Variants in GPM6B observed in about 807,000 individuals in gnomAD.
GPM6B encodes the protein neuronal membrane glycoprotein M6-b.
In GPM6B, 4 loss-of-function variants were observed where a neutral mutation model predicts 27.2. The ratio of observed to expected loss-of-function variants is 0.15; its 90% CI spans 0.07 to 0.34. GPM6B has a LOEUF of 0.34. GPM6B is among the 10% of genes least tolerant of loss of function. The pLI, the probability that GPM6B is intolerant of heterozygous loss-of-function variation, is 1.00. For missense variants in GPM6B, 183 were observed against 261.9 expected (o/e 0.70, Z 2.08); for synonymous variants, 124 against 103.1 (o/e 1.20, Z -1.23).
intron 1 of GPM6B, among the ~76,000 whole-genome samples, chrX:13,812,405 C>A (rs190251061): frequency 1.7e-3 from 193 of 111,843 alleles, no homozygotes; most frequent in African/African-American, 5.9e-3. Flanking sequence ...ATTTGTGAAA[C>A]TGGGATTGTA....
chrX:13,931,277 C>T (rs182583143), intron 1 of GPM6B, among the ~76,000 whole-genome samples: 174 of 110,789 alleles, frequency 1.6e-3, no homozygotes, highest in East Asian at 3.7e-3. Flanking sequence ...GAGGCCAAGG[C>T]GGGCGGATCA....
upstream of GPM6B, among the ~76,000 whole-genome samples, chrX:13,820,426 A>G (rs965307829): frequency 2.7e-5 from 3 of 110,444 alleles, no homozygotes; most frequent in African/African-American, 9.9e-5. Flanking sequence ...GGTAGGGGAG[A>G]TTATCAAGCG....
chrX:13,771,828 A>T lies in GPM6B; in HGVS notation c.*1053T>A, dbSNP rs1376402838. 3 of 112,474 alleles carry T rather than the reference A, an allele frequency of 2.7e-5. No individual in the cohort carries two copies. Among genetic ancestry groups the T allele is most frequent in the Non-Finnish European group, 5.6e-5 (3 of 53,214 alleles). The allele number at this position is 112,474 out of a possible 1,213,427, so 9.3% of individuals were successfully genotyped here. On this transcript the variant is annotated 3_prime_UTR_variant, in exon 8 of 8. Transcript: ENST00000316715. ...ATTATTCCAGGAAACTAAGATTTAG[A>T]TAAGAAAAAAATGAAATACCAACCC...
intron 1 of GPM6B, among the ~76,000 whole-genome samples, chrX:13,937,069 G>A (rs944870539): frequency 8.9e-6 from 1 of 111,931 alleles, no homozygotes; most frequent in Non-Finnish European, 1.9e-5. Context: ...TTTTGTGTAT[G>A]AGCCTCATTT....
intron 1 of GPM6B, among the ~76,000 whole-genome samples, chrX:13,815,553 A>T (rs1357366448): frequency 1.8e-5 from 2 of 111,642 alleles, no homozygotes; most frequent in Non-Finnish European, 3.8e-5. Flanking sequence ...AAACGATTTT[A>T]AAATTAAGGT....
intron 1 of GPM6B, among the ~76,000 whole-genome samples, chrX:13,886,719 T>TAAAAAACAAAAAAAAAAAAAAAA (rs2050138992): frequency 2.8e-5 from 1 of 35,106 alleles, no homozygotes; most frequent in Non-Finnish European, 4.0e-5. Flanking sequence ...AAGTCACTAC[T>TAAAAAACAAAAAAAAAAAAAAAA]AAAAAAAAAA....
Position 13,816,953 on chromosome X carries a change from GT to G in GPM6B, c.-50del. 8.6e-7 allele frequency: 1 copy of G among 1,162,346 alleles called. No individual in the cohort carries two copies. Among genetic ancestry groups the G allele is most frequent in the Non-Finnish European group, 1.1e-6 (1 of 874,640 alleles). ...CCCCTGTTCCCCCCAACACACACTTGTTTTTCCTCCTCTTCCTTTTCTTTTG... is the reference window on the plus strand; with the variant it reads ...CCCCTGTTCCCCCCAACACACACTTGTTTTCCTCCTCTTCCTTTTCTTTTG... On this transcript the variant is annotated 5_prime_UTR_variant, in exon 1 of 8. Coordinates refer to ENST00000316715, the MANE Select transcript of GPM6B (RefSeq NM_001001995.3).
intron 2 of GPM6B, among the ~76,000 whole-genome samples, chrX:13,800,002 A>T (rs1254650677): frequency 8.9e-6 from 1 of 111,784 alleles, no homozygotes; most frequent in Non-Finnish European, 1.9e-5. Context: ...CTTACTTCTT[A>T]GGACTAGAAT....
At chrX:13,930,199 T>C (rs2147078453) in intron 1 of GPM6B, among the ~76,000 whole-genome samples, 1 of 112,552 alleles carries the variant, frequency 8.9e-6, no homozygotes, top group Non-Finnish European at 1.9e-5. Flanking sequence ...TCCTTTTTCA[T>C]TAAGTGGTCA....
intron 7 of GPM6B, chrX:13,774,066 ATTGTT>A (rs1445425411): frequency 6.7e-6 from 5 of 746,771 alleles, no homozygotes; most frequent in Non-Finnish European, 7.9e-6. Flanking sequence ...TCATAAAAAA[ATTGTT>A]TTCAATTTAG....
chrX:13,875,537 G>A (rs182341030), intron 1 of GPM6B, among the ~76,000 whole-genome samples: 2,640 of 111,643 alleles, frequency 0.024, 93 homozygotes, highest in East Asian at 0.21. Context: ...ATACCCAAAC[G>A]AATTGAAAAC....
chrX:13,892,392 G>A (rs750140086), intron 1 of GPM6B, among the ~76,000 whole-genome samples: 1 of 110,941 alleles, frequency 9.0e-6, no homozygotes, highest in Non-Finnish European at 1.9e-5. Context: ...AATATTTGCG[G>A]GTTTTGCCAT....
intron 7 of GPM6B, chrX:13,774,234 G>A: frequency 1.3e-6 from 1 of 787,810 alleles, no homozygotes. Flanking sequence ...GTATTCCAAA[G>A]TGTTAATAAT....
At chrX:13,788,251 A>G (rs774592145) in intron 2 of GPM6B, among the ~76,000 whole-genome samples, 1 of 111,843 alleles carries the variant, frequency 8.9e-6, no homozygotes, top group Non-Finnish European at 1.9e-5. Flanking sequence ...ACTGGGTGCC[A>G]AGTACACAAA....
At chrX:13,815,687 T>G (rs1240249410) in intron 1 of GPM6B, among the ~76,000 whole-genome samples, 2 of 112,179 alleles carry the variant, frequency 1.8e-5, no homozygotes, top group African/African-American at 6.5e-5. Flanking sequence ...TAAAATATTA[T>G]TGTGTACCAA....
chrX:13,814,241 G>A (rs962025144), intron 1 of GPM6B, among the ~76,000 whole-genome samples: 2 of 112,024 alleles, frequency 1.8e-5, no homozygotes, highest in Non-Finnish European at 3.8e-5. Flanking sequence ...ATTATCCAAA[G>A]ATATTAATTC....
chrX:13,935,335 C>CAAAAAAA lies in GPM6B; in HGVS notation c.-198+2985_-198+2991dup, dbSNP rs60400361. Among the ~76,000 whole-genome samples the CAAAAAAA allele has an allele frequency of 6.1e-4, 26 of 42,692 alleles. 3 individuals carry two copies. Among genetic ancestry groups the CAAAAAAA allele is most frequent in the South Asian group, 2.2e-3 (1 of 454 alleles). 37.1% of individuals were successfully genotyped at this position (42,692 alleles called of 115,157 possible). The stretch of plus-strand genomic sequence containing the variant: ...GCACCATAGAAATACCCTATCTCTA[C>CAAAAAAA]AAAAAAAAAAAAAAAAAAAAAACTG... On this transcript the variant is annotated intron_variant, in intron 1 of 6. Coordinates refer to the GPM6B transcript ENST00000398361.
chrX:13,843,453 T>C (rs2049604844), intron 1 of GPM6B, among the ~76,000 whole-genome samples: 1 of 112,309 alleles, frequency 8.9e-6, no homozygotes, highest in Admixed American at 9.4e-5. Context: ...CTTTTGGGTA[T>C]ATACCTGAAA....
intron 2 of GPM6B, among the ~76,000 whole-genome samples, chrX:13,803,809 CT>C (rs2147170009): frequency 9.0e-6 from 1 of 111,649 alleles, no homozygotes; most frequent in Non-Finnish European, 1.9e-5. Context: ...CCCAAACCCC[CT>C]CATGAGACAA....
Sources: gnomAD v4.1 joint callset for allele counts (sites outside exome capture counted in the v4.1 genomes callset) on GRCh38, gnomAD v4.1.1 for gene constraint, MANE v1.5 for transcripts, NCBI Gene and HGNC (gene_info 2026-07-23, HGNC 2026-07-21) for gene names.